Variants in GPR158 observed in about 807,000 individuals in gnomAD.
GPR158 encodes the protein metabotropic glycine receptor.
GPR158 carries 30 observed loss-of-function variants against 78.2 expected under a neutral mutation model. That is an observed-to-expected ratio of 0.38 (90% CI 0.29 to 0.52). GPR158 has a LOEUF of 0.52. Ranked by LOEUF, GPR158 falls within the 20% of genes least tolerant of loss-of-function variation. The pLI, the probability that GPR158 is intolerant of heterozygous loss-of-function variation, is 0.83. For synonymous variants in GPR158, 581 were observed against 591.1 expected, an observed-to-expected ratio of 0.98 and a Z score of 0.25; for missense variants, 1,463 against 1,523.5, an observed-to-expected ratio of 0.96 and a Z score of 0.66.
At chr10:25,318,919 A>G (rs906770383) in intron 2 of GPR158, among the ~76,000 whole-genome samples, 1 of 152,176 alleles carries the variant, frequency 6.6e-6, no homozygotes, top group African/African-American at 2.4e-5. Context: ...GAAATGTTCT[A>G]AAAAGTCTCA....
At chr10:25,351,138 CTATAAACA>C (rs578050587) in intron 2 of GPR158, among the ~76,000 whole-genome samples, 61 of 152,064 alleles carry the variant, frequency 4.0e-4, no homozygotes, top group African/African-American at 1.5e-3. Context: ...ACCCCCTTCT[CTATAAACA>C]TATAAACTCT....
chr10:25,328,708 C>T (rs1430348178), intron 2 of GPR158, among the ~76,000 whole-genome samples: 2 of 151,928 alleles, frequency 1.3e-5, no homozygotes, highest in Non-Finnish European at 2.9e-5. Flanking sequence ...AGGTGGATCA[C>T]CTGAGGTCAG....
At chr10:25,297,021 T>C (rs200527280) in intron 2 of GPR158, among the ~76,000 whole-genome samples, 13 of 152,230 alleles carry the variant, frequency 8.5e-5, no homozygotes, top group Non-Finnish European at 2.9e-5. Context: ...TTTGTGTCTG[T>C]GTCCTGCAAC....
intron 5 of GPR158, among the ~76,000 whole-genome samples, chr10:25,471,422 G>A (rs561158342): frequency 1.2e-4 from 19 of 152,216 alleles, no homozygotes; most frequent in Admixed American, 9.8e-4. Flanking sequence ...ATAAATATAC[G>A]TGTGCATGTG....
chr10:25,494,476 T>C lies in GPR158; in HGVS notation c.1404+27757T>C, dbSNP rs138682766. Among the ~76,000 whole-genome samples the C allele has an allele frequency of 8.5e-5, 13 of 152,316 alleles. No individual in the cohort carries two copies. The East Asian group carries it at 2.3e-3, about 27-fold the overall frequency. On this transcript the variant is annotated intron_variant, in intron 5 of 10. Transcript: ENST00000376351. ...TAGTATAATCATGTATTTTGTTTGG[T>C]ACTGCTTTTTTCTATGTATAAAAAT... is the stretch of plus-strand genomic sequence containing the variant.
At chr10:25,305,576 C>T (rs1015629555) in intron 2 of GPR158, among the ~76,000 whole-genome samples, 16 of 152,036 alleles carry the variant, frequency 1.1e-4, no homozygotes, top group African/African-American at 3.4e-4. Context: ...GAAGGAGATG[C>T]CTGTGTTGTG....
In GPR158 at chr10:25,370,724, G is replaced by A. The variant is rs1454877634; in HGVS notation, c.1009-25187G>A. 3.3e-5 allele frequency among the ~76,000 whole-genome samples: 5 copies of A among 151,250 alleles called. No individual in the cohort carries two copies. The South Asian group carries it at 1.1e-3, about 32-fold the overall frequency. On this transcript the variant is annotated intron_variant, in intron 2 of 10. Transcript: ENST00000376351. ...CTGAGTTCAGTTCCTGGGTATCCTT[G>A]TTAACTTTCTGTCTCGTTGATCTGT... is the stretch of plus-strand genomic sequence containing the variant.
At chr10:25,411,933 C>CAAAAAAAAAAAA (rs1164005677) in intron 3 of GPR158, among the ~76,000 whole-genome samples, 4 of 47,486 alleles carry the variant, frequency 8.4e-5, no homozygotes, top group Admixed American at 3.8e-4. Flanking sequence ...GACTCTATCA[C>CAAAAAAAAAAAA]AAAAAAAAAA....
chr10:25,596,865 T>A, intron 10 of GPR158, 76 bp downstream of exon 10: 1 of 1,270,466 alleles, frequency 7.9e-7, no homozygotes, highest in South Asian at 1.3e-5. Context: ...TGGGTTGGGG[T>A]GCGTGTGTGC....
intron 2 of GPR158, among the ~76,000 whole-genome samples, chr10:25,271,722 T>A (rs1854121238): frequency 6.6e-6 from 1 of 152,164 alleles, no homozygotes; most frequent in Non-Finnish European, 1.5e-5. Flanking sequence ...AATGCTATGG[T>A]GCGATCTCGG....
At chr10:25,509,644 C>T (rs369763922) in intron 5 of GPR158, among the ~76,000 whole-genome samples, 2 of 152,080 alleles carry the variant, frequency 1.3e-5, no homozygotes, top group Admixed American at 1.3e-4. Flanking sequence ...CAAAACATGC[C>T]CATGTTCAAA....
At chr10:25,475,092 A>G (rs927196824) in intron 5 of GPR158, among the ~76,000 whole-genome samples, 1 of 152,174 alleles carries the variant, frequency 6.6e-6, no homozygotes, top group African/African-American at 2.4e-5. Context: ...AAGAATTGCA[A>G]GTGTCAGGTT....
At chr10:25,187,477 C>T (rs1852704596) in intron 1 of GPR158, among the ~76,000 whole-genome samples, 1 of 152,284 alleles carries the variant, frequency 6.6e-6, no homozygotes, top group South Asian at 2.1e-4. Context: ...GCTAGTTCAA[C>T]ATACACAAAT....
Position 25,558,977 on chromosome 10 carries a change from T to C in GPR158, c.1514+7892T>C, listed in dbSNP as rs560954640. Among the ~76,000 whole-genome samples, 3 of 152,314 alleles carry C rather than the reference T, an allele frequency of 2.0e-5. No homozygotes were observed. In the East Asian group the frequency reaches 5.8e-4, roughly 29 times the overall value. On this transcript the variant is annotated intron_variant, in intron 6 of 10. Coordinates refer to ENST00000376351, the MANE Select transcript of GPR158 (RefSeq NM_020752.3). Reference sequence around the variant, plus strand: ...AACGTGTTTTCTTCTATTTGGGAGTTGTTTGGTAATGCTGTTCAAATCTTC... The same window carrying C: ...AACGTGTTTTCTTCTATTTGGGAGTCGTTTGGTAATGCTGTTCAAATCTTC...
At chr10:25,415,618 T>G (rs566243106) in intron 4 of GPR158, among the ~76,000 whole-genome samples, 2 of 152,150 alleles carry the variant, frequency 1.3e-5, no homozygotes, top group Non-Finnish European at 2.9e-5. Flanking sequence ...AATTGAAGTA[T>G]GATATGATCC....
Position 25,176,597 on chromosome 10 carries a change from G to A in GPR158, c.902+275G>A, listed in dbSNP as rs368214769. Among the ~76,000 whole-genome samples the A allele has an allele frequency of 5.3e-5, 8 of 152,360 alleles. No homozygotes were observed. The East Asian group carries it at 1.2e-3, about 22-fold the overall frequency. ...GGCGAGGGACAGGCAGCCCTTGGCAGGACGGAGACACCCCCGCTGCTCTGT... is the reference window on the plus strand; with the variant it reads ...GGCGAGGGACAGGCAGCCCTTGGCAAGACGGAGACACCCCCGCTGCTCTGT... On this transcript the variant is annotated intron_variant, in intron 1 of 10. Transcript: ENST00000376351. This position sits in a 1 kb window ranked among gnomAD's most constrained non-coding sequence, Gnocchi z 6.3.
chr10:25,256,222 G>A (rs901260106), intron 2 of GPR158, among the ~76,000 whole-genome samples: 18 of 151,306 alleles, frequency 1.2e-4, no homozygotes, highest in Non-Finnish European at 1.6e-4. Context: ...ACCAAACAGC[G>A]TTTAAAATTA....
At chr10:25,562,712 T>C (rs1836874898) in intron 6 of GPR158, among the ~76,000 whole-genome samples, 1 of 152,216 alleles carries the variant, frequency 6.6e-6, no homozygotes, top group Non-Finnish European at 1.5e-5. Context: ...TCCTGGGGAA[T>C]GTTCCACGTG....
At chr10:25,367,300 A>G (rs1855737984) in intron 2 of GPR158, among the ~76,000 whole-genome samples, 2 of 151,588 alleles carry the variant, frequency 1.3e-5, no homozygotes, top group African/African-American at 4.8e-5. Flanking sequence ...CCTTGGGTAC[A>G]TGGATTTTTT....
Sources: allele counts gnomAD v4.1 joint callset (sites outside exome capture counted in the v4.1 genomes callset), GRCh38; gene constraint gnomAD v4.1.1; non-coding constraint Gnocchi (gnomAD v3.1); transcripts MANE v1.5; gene names NCBI Gene and HGNC (gene_info 2026-07-23, HGNC 2026-07-21).